STARD3NL: variants seen among roughly 807,000 people sequenced by gnomAD.
The protein encoded by STARD3NL is STARD3 N-terminal-like protein.
In STARD3NL, 17 loss-of-function variants were observed where a neutral mutation model predicts 30.9. The ratio of observed to expected loss-of-function variants is 0.55; its 90% confidence interval spans 0.38 to 0.82. The LOEUF is 0.82. Among genes scored for constraint, STARD3NL ranks in the 40% least tolerant of loss-of-function variants. The probability of loss-of-function intolerance (pLI) is 0.00; values close to 1 mark genes in which losing one functional copy is unlikely to be tolerated. For missense variants in STARD3NL, 234 were observed against 277.6 expected, an observed-to-expected ratio of 0.84 and a Z score of 1.12; for synonymous variants, 112 against 100.5, an observed-to-expected ratio of 1.11 and a Z score of -0.69.
intron 7 of STARD3NL, among the ~76,000 whole-genome samples, chr7:38,225,561 G>A (rs1786709421): frequency 6.6e-6 from 1 of 152,158 alleles, no homozygotes; most frequent in Non-Finnish European, 1.5e-5. Flanking sequence ...TGGATACTCA[G>A]TTGAACAGCA....
chr7:38,195,087 T>A (rs1238932322), intron 1 of STARD3NL, among the ~76,000 whole-genome samples: 1 of 152,194 alleles, frequency 6.6e-6, no homozygotes, highest in Admixed American at 6.5e-5. Context: ...GGACTGAGTC[T>A]TGCTCTGTAG....
intron 4 of STARD3NL, chr7:38,216,814 T>G (rs1299490661): frequency 1.8e-6 from 1 of 565,072 alleles, no homozygotes; most frequent in Non-Finnish European, 3.2e-6. Flanking sequence ...CCACACACAG[T>G]CATTTAGGGA....
At chr7:38,214,272 C>T in intron 2 of STARD3NL, 85 bp from the exon 3 acceptor site, 1 of 835,982 alleles carries the variant, frequency 1.2e-6, no homozygotes, top group Admixed American at 2.3e-5. Context: ...AGAAGATAGG[C>T]AGGAAAGTTG....
intron 1 of STARD3NL, among the ~76,000 whole-genome samples, chr7:38,180,661 C>T (rs1784210087): frequency 6.6e-6 from 1 of 152,204 alleles, no homozygotes; most frequent in South Asian, 2.1e-4. Context: ...TGTATTTGAA[C>T]TCCCATTAGG....
intron 1 of STARD3NL, among the ~76,000 whole-genome samples, chr7:38,191,910 T>TA (rs11398652): frequency 0.43 from 63,690 of 148,992 alleles, 13,718 homozygotes; most frequent in East Asian, 0.5. Flanking sequence ...CAGTTTCTAT[T>TA]AAAAAAAAAA....
chr7:38,202,077 T>C (rs1433163774), intron 1 of STARD3NL: 2 of 152,236 alleles, frequency 1.3e-5, no homozygotes, highest in African/African-American at 4.8e-5. Flanking sequence ...CAGAATTAAC[T>C]CCTAGAATTC....
intron 4 of STARD3NL, chr7:38,216,804 C>T (rs141393400): frequency 3.6e-6 from 2 of 548,172 alleles, no homozygotes; most frequent in East Asian, 2.9e-5. Context: ...GGAGAATAAA[C>T]CACACACAGT....
chr7:38,192,778 T>C (rs995611781), intron 1 of STARD3NL, among the ~76,000 whole-genome samples: 1 of 152,240 alleles, frequency 6.6e-6, no homozygotes, highest in Non-Finnish European at 1.5e-5. Context: ...GAAAATTTCC[T>C]GTTACAATTC....
intron 1 of STARD3NL, among the ~76,000 whole-genome samples, chr7:38,194,545 ATTACT>A (rs1216599714): frequency 2.0e-5 from 3 of 152,116 alleles, no homozygotes; most frequent in South Asian, 2.1e-4. Context: ...AAAGTAGTAA[ATTACT>A]TTAAGGTAGT....
At chr7:38,203,929 C>T (rs1785311851) in intron 1 of STARD3NL, among the ~76,000 whole-genome samples, 1 of 151,874 alleles carries the variant, frequency 6.6e-6, no homozygotes, top group Non-Finnish European at 1.5e-5. Flanking sequence ...GAAGAGCTAA[C>T]TATCCTAAAT....
Position 38,217,093 on chromosome 7 carries a change from T to G in STARD3NL, c.435+15T>G, listed in dbSNP as rs775152041. 1 of 1,613,982 alleles carries G rather than the reference T, an allele frequency of 6.2e-7. No individual in the cohort carries two copies. Among genetic ancestry groups the G allele is most frequent in the East Asian group, 2.2e-5 (1 of 44,870 alleles). ...TCCTTTCGAAGGTATGGCCTACCAC[T>G]TTTTCTATACAGTTACCATCTTCAG... On this transcript the variant is annotated intron_variant, in intron 5 of 8. Transcript: ENST00000009041.
intron 2 of STARD3NL, among the ~76,000 whole-genome samples, chr7:38,213,340 G>A (rs891550663): frequency 6.6e-6 from 1 of 152,182 alleles, no homozygotes; most frequent in African/African-American, 2.4e-5. Flanking sequence ...ACAAAGAAAT[G>A]TAGACCTCCT....
At chr7:38,208,927 C>T (rs184040284) in intron 2 of STARD3NL, among the ~76,000 whole-genome samples, 47 of 152,298 alleles carry the variant, frequency 3.1e-4, no homozygotes, top group African/African-American at 1.1e-3. Flanking sequence ...TAATTAGGGT[C>T]ACTGAATCTC....
chr7:38,190,448 A>C (rs528473517), intron 1 of STARD3NL, among the ~76,000 whole-genome samples: 29 of 152,294 alleles, frequency 1.9e-4, no homozygotes, highest in African/African-American at 5.5e-4. Flanking sequence ...AAATGTATTC[A>C]TATTGTGTGT....
chr7:38,195,724 T>G (rs1001902008), intron 1 of STARD3NL, among the ~76,000 whole-genome samples: 1 of 152,204 alleles, frequency 6.6e-6, no homozygotes, highest in African/African-American at 2.4e-5. Context: ...ATAATTCTTT[T>G]TTTGGAATTA....
At chr7:38,212,556 A>G (rs1258039926) in intron 2 of STARD3NL, among the ~76,000 whole-genome samples, 7 of 152,070 alleles carry the variant, frequency 4.6e-5, no homozygotes, top group Non-Finnish European at 2.9e-5. Context: ...AGTATTTCCT[A>G]TATTTAGAAC....
intron 1 of STARD3NL, among the ~76,000 whole-genome samples, chr7:38,203,966 C>T (rs957331577): frequency 2.0e-5 from 3 of 152,136 alleles, no homozygotes; most frequent in Non-Finnish European, 2.9e-5. Context: ...CAGGAGCACC[C>T]AGATTCATAA....
rs1219569888 is a variant in STARD3NL, at chr7:38,223,492, T to A, written c.649+3832T>A. ...AACTTAAAATGAGGAATTGCTCAAT[T>A]GCATAATATAGCCTGTCCTGTGCAA... is the stretch of plus-strand genomic sequence containing the variant. On this transcript the variant is annotated intron_variant, in intron 7 of 8. Transcript: ENST00000009041. Among the ~76,000 whole-genome samples the A allele has an allele frequency of 2.0e-5, 3 of 152,212 alleles. No individual in the cohort carries two copies. The East Asian group carries it at 5.8e-4, about 29-fold the overall frequency.
intron 1 of STARD3NL, among the ~76,000 whole-genome samples, chr7:38,193,360 G>A (rs181557458): frequency 6.6e-6 from 1 of 152,154 alleles, no homozygotes; most frequent in East Asian, 1.9e-4. Context: ...GTGTAGTGGT[G>A]CGATCTCGGC....
Sources: allele counts gnomAD v4.1 joint callset (sites outside exome capture counted in the v4.1 genomes callset), GRCh38; gene constraint gnomAD v4.1.1; transcripts MANE v1.5; gene names NCBI Gene and HGNC (gene_info 2026-07-23, HGNC 2026-07-21).